The following ACOT11 variants were observed in gnomAD, a reference collection of about 807,000 sequenced individuals.
ACOT11 encodes the protein acyl-CoA thioesterase 11, also known as acyl-coenzyme A thioesterase 11.
A neutral mutation model predicts 77.5 loss-of-function variants in ACOT11; 69 were observed. The ratio of observed to expected loss-of-function variants is 0.89; its 90% CI spans 0.73 to 1.09. ACOT11 has a LOEUF of 1.09. ACOT11 is among the 50% of genes least tolerant of loss of function. ACOT11 has a pLI of 0.00. For missense variants in ACOT11, 766 were observed against 813.7 expected (o/e 0.94, Z 0.71); for synonymous variants, 279 against 313.0 (o/e 0.89, Z 1.15).
At chr1:54,615,994 G>C (rs755239601) in intron 15 of ACOT11, 2 of 1,611,392 alleles carry the variant, frequency 1.2e-6, no homozygotes, top group African/African-American at 1.3e-5. Context: ...CTGGGGGCCG[G>C]AGAGGGTTTC....
chr1:54,558,117 C>T (rs948407683), intron 1 of ACOT11, among the ~76,000 whole-genome samples: 1 of 152,152 alleles, frequency 6.6e-6, no homozygotes, highest in African/African-American at 2.4e-5. Flanking sequence ...CTCGTTCCCT[C>T]CACGGGTACT....
chr1:54,633,844 G>A (rs1346795095), intron 16 of ACOT11, among the ~76,000 whole-genome samples: 1 of 152,204 alleles, frequency 6.6e-6, no homozygotes, highest in Non-Finnish European at 1.5e-5. Context: ...TAGCAAAAGA[G>A]GCTGAGGCAG....
In ACOT11 at chr1:54,619,932, C is replaced by T. The variant is rs147294199; in HGVS notation, c.1630-10802C>T. The T allele has an allele frequency of 6.5e-4, 1,048 of 1,614,182 alleles. 5 individuals are homozygous for T. In the African/African-American group the frequency reaches 0.012, roughly 18 times the overall value. On this transcript the variant is annotated intron_variant, in intron 15 of 16. Transcript: ENST00000371316. Reference sequence around the variant, plus strand: ...GTACCAGGTGACCTCCAAGGCATCTCGCCGGCTGATCTGGCCCAGGCTCAG... The same window carrying T: ...GTACCAGGTGACCTCCAAGGCATCTTGCCGGCTGATCTGGCCCAGGCTCAG...
In ACOT11 at chr1:54,569,141, T is replaced by C. The variant is rs1653847048; in HGVS notation, c.34-15514T>C. 2.0e-5 allele frequency among the ~76,000 whole-genome samples: 3 copies of C among 151,558 alleles called. No individual in the cohort carries two copies. In the South Asian group the frequency reaches 6.3e-4, roughly 32 times the overall value. ...AAAAAAAAAATAATTTTTTTTTTTT[T>C]TGTAGAGATGGGATCTTGCTCTCTT... On this transcript the variant is annotated intron_variant, in intron 1 of 15. Transcript: ENST00000343744.
chr1:54,553,510 GT>G (rs1192618535), intron 1 of ACOT11, among the ~76,000 whole-genome samples: 3 of 151,616 alleles, frequency 2.0e-5, no homozygotes, highest in Non-Finnish European at 4.4e-5. Flanking sequence ...AATATTCTAT[GT>G]TTTTATCATG....
At chr1:54,555,452 T>C (rs1199771275) in intron 1 of ACOT11, among the ~76,000 whole-genome samples, 1 of 152,214 alleles carries the variant, frequency 6.6e-6, no homozygotes, top group African/African-American at 2.4e-5. Flanking sequence ...TGAGTTGTTT[T>C]ACTTCTTTGT....
In ACOT11 at chr1:54,609,844, C is replaced by T. The variant is rs747462973; in HGVS notation, c.*732C>T. ...CCAGCTGCTGCAGGCAGGACTCCAG[C>T]GTCAGGATGTTGCCACTTGGAGTAT... On this transcript the variant is annotated 3_prime_UTR_variant, in exon 16 of 16. Transcript: ENST00000343744. 6.8e-6 allele frequency: 11 copies of T among 1,613,972 alleles called. No individual in the cohort carries two copies. Among genetic ancestry groups the T allele is most frequent in the Admixed American group, 5.0e-5 (3 of 60,008 alleles).
chr1:54,562,228 C>G (rs1195309214), intron 1 of ACOT11, among the ~76,000 whole-genome samples: 1 of 105,466 alleles, frequency 9.5e-6, no homozygotes. Context: ...GCTGACCCCC[C>G]CACCTCCCTC....
rs1239008427 is a variant in ACOT11 at position 54,604,070 on chromosome 1, T to C, written c.1152+133T>C. Reference sequence around the variant, plus strand: ...TGACACGCCTCATGATTGCTACCATTAGCAAAGAGCTGGCCTGCGTCCCTG... The same window carrying C: ...TGACACGCCTCATGATTGCTACCATCAGCAAAGAGCTGGCCTGCGTCCCTG... On this transcript the variant is annotated intron_variant, in intron 11 of 15. Transcript: ENST00000343744. The C allele has an allele frequency of 4.7e-6, 4 of 850,980 alleles. No individual in the cohort carries two copies. The African/African-American group carries it at 6.7e-5, about 14-fold the overall frequency. The allele number at this position is 850,980 out of a possible 1,614,324, so 52.7% of individuals were successfully genotyped here.
At chr1:54,560,897 A>C (rs1252961726) in intron 1 of ACOT11, among the ~76,000 whole-genome samples, 1 of 151,930 alleles carries the variant, frequency 6.6e-6, no homozygotes, top group African/African-American at 2.4e-5. Context: ...AATTGTTTGT[A>C]TTTTTAGTAG....
intron 1 of ACOT11, among the ~76,000 whole-genome samples, chr1:54,576,834 TTAA>T (rs72539119): frequency 0.12 from 18,057 of 152,042 alleles, 2,546 homozygotes; most frequent in African/African-American, 0.34. Flanking sequence ...AGAGACCTTG[TTAA>T]TAAGGAGTTC....
intron 1 of ACOT11, among the ~76,000 whole-genome samples, chr1:54,580,352 C>T (rs1390186560): frequency 2.6e-5 from 4 of 152,150 alleles, no homozygotes; most frequent in Admixed American, 2.6e-4. Flanking sequence ...TCTCAGCTGG[C>T]TTATCACTTT....
chr1:54,610,632 G>T (rs1360997302), downstream of ACOT11: 5 of 1,558,194 alleles, frequency 3.2e-6, no homozygotes, highest in African/African-American at 6.8e-5. Flanking sequence ...GGTCCCATAG[G>T]CCACAGCTCT....
rs765647475 is a variant in ACOT11, at chr1:54,607,129, C to T, written c.1371-5C>T. 10 of 1,614,042 alleles carry T rather than the reference C, an allele frequency of 6.2e-6. No homozygotes were observed. The South Asian group carries it at 1.1e-4, about 18-fold the overall frequency. ...TGGGGCACTGAGATCCCGGCCTCCC[C>T]ACAGGAGCGTGGAGCTAGTGCAGCA... On this transcript the variant is annotated splice_region_variant and splice_polypyrimidine_tract_variant and intron_variant, in intron 13 of 15. Transcript: ENST00000343744. This position sits in a 1 kb window ranked among gnomAD's most constrained non-coding sequence, Gnocchi z 4.5.
At chr1:54,566,722 C>G (rs1653745507) in intron 1 of ACOT11, among the ~76,000 whole-genome samples, 2 of 152,112 alleles carry the variant, frequency 1.3e-5, no homozygotes, top group African/African-American at 4.8e-5. Context: ...CTCCATGATG[C>G]CTTCACTGGC....
chr1:54,631,768 C>T (rs1254472468), intron 16 of ACOT11, among the ~76,000 whole-genome samples: 2 of 152,032 alleles, frequency 1.3e-5, no homozygotes, highest in East Asian at 1.9e-4. Flanking sequence ...TTTTATAGCT[C>T]GGTTACAGGA....
chr1:54,599,616 C>G, intron 8 of ACOT11: 1 of 488,252 alleles, frequency 2.0e-6, no homozygotes, highest in Non-Finnish European at 3.1e-6. Flanking sequence ...CAGTCCTGCC[C>G]ACCCCTGGCT....
At position 54,571,986 on chromosome 1, in the gene ACOT11, T is replaced by C. The variant is rs1298660900; in HGVS notation, c.34-12669T>C. Among the ~76,000 whole-genome samples the C allele has an allele frequency of 9.9e-5, 15 of 152,004 alleles. 1 individual carries two copies. The highest frequency in any genetic ancestry group is 1.5e-5 in the Non-Finnish European group (1 of 67,964). ...GCCTTGAAGGGGCCCACTGGGCTGC[T>C]GGTTTCCTGGGGCAGGAAGTCCTGG... On this transcript the variant is annotated intron_variant, in intron 1 of 15. Coordinates refer to ENST00000343744, the MANE Select transcript of ACOT11 (RefSeq NM_147161.4).
Position 54,584,453 on chromosome 1 carries a change from G to A in ACOT11, c.34-202G>A, listed in dbSNP as rs548801026. Among the ~76,000 whole-genome samples, 1 of 152,280 alleles carries A rather than the reference G, an allele frequency of 6.6e-6. No individual in the cohort carries two copies. The highest frequency in any genetic ancestry group is 6.5e-5 in the Admixed American group (1 of 15,302). On this transcript the variant is annotated intron_variant, in intron 1 of 15. Coordinates refer to ENST00000343744, the MANE Select transcript of ACOT11 (RefSeq NM_147161.4). This position sits in a 1 kb window ranked among gnomAD's most constrained non-coding sequence, Gnocchi z 6.3. Reference sequence around the variant, plus strand: ...GCAGTTCTTGGCCAAAAGGAAACTGGGCAGAAGCAGCAATCACAGATATCC... The same window carrying A: ...GCAGTTCTTGGCCAAAAGGAAACTGAGCAGAAGCAGCAATCACAGATATCC...
Sources: gnomAD v4.1 joint callset for allele counts (sites outside exome capture counted in the v4.1 genomes callset) on GRCh38, gnomAD v4.1.1 for gene constraint, Gnocchi (gnomAD v3.1) non-coding constraint, MANE v1.5 for transcripts, NCBI Gene and HGNC (gene_info 2026-07-23, HGNC 2026-07-21) for gene names.